Variants in RETREG1 observed in about 807,000 individuals in gnomAD.
The protein encoded by RETREG1 is family with sequence similarity 134 member B.
A neutral mutation model predicts 54.8 loss-of-function variants in RETREG1; 44 were observed. That is an observed-to-expected ratio of 0.80 (90% CI 0.63 to 1.03). The LOEUF (loss-of-function observed/expected upper bound fraction) is 1.03. RETREG1 is among the 50% of genes least tolerant of loss of function. The pLI is 0.00. For synonymous variants in RETREG1, 217 were observed against 238.5 expected (o/e 0.91, Z 0.83); for missense variants, 554 against 605.1 (o/e 0.92, Z 0.89).
chr5:16,533,621 C>A (rs1740976984), intron 3 of RETREG1, among the ~76,000 whole-genome samples: 1 of 152,114 alleles, frequency 6.6e-6, no homozygotes, highest in African/African-American at 2.4e-5. Flanking sequence ...CCCATGGGTT[C>A]TAGAGCTTGA....
In RETREG1 at chr5:16,593,280, G is replaced by C. The variant is rs1195053805; in HGVS notation, c.321-21178C>G. Among the ~76,000 whole-genome samples the C allele has an allele frequency of 6.6e-6, 1 of 152,022 alleles. No individual in the cohort carries two copies. The highest frequency in any genetic ancestry group is 2.4e-5 in the African/African-American group (1 of 41,388). On this transcript the variant is annotated intron_variant, in intron 1 of 8. Coordinates refer to ENST00000306320, the MANE Select transcript of RETREG1 (RefSeq NM_001034850.3). This position sits in a 1 kb window ranked among gnomAD's most constrained non-coding sequence, Gnocchi z 4.9. ...GCCTTCTGACTCCCACTTGTATGCT[G>C]GTTTGCTTGGCCATTTGTTTCCCAT...
chr5:16,572,071 G>A lies in RETREG1; in HGVS notation c.352C>T (p.His118Tyr), dbSNP rs1742187010. 1 of 1,613,680 alleles carries A rather than the reference G, an allele frequency of 6.2e-7. No homozygotes were observed. The highest frequency in any genetic ancestry group is 8.5e-7 in the Non-Finnish European group (1 of 1,179,678). Residue 118 changes from histidine to tyrosine, a missense_variant, in exon 2 of 9, where the codon CAC becomes TAC. Physicochemically the swap from His to Tyr is moderately conservative, Grantham distance 83. Around this residue, in one of 4 missense-constraint regions of RETREG1, gnomAD observed 347 missense variants for 412.3 expected, o/e 0.84. Coordinates refer to ENST00000306320, the MANE Select transcript of RETREG1 (RefSeq NM_001034850.3). ...CCAAGTATCATGACGGAAATCAGGT[G>A]ATATACTCTCCATGGAGTCAATGCA... Reference protein sequence around the residue: ...FLALTPWRVYHLISVMILGRV... With the variant: ...FLALTPWRVYYLISVMILGRV...
rs367718276 is a variant in RETREG1, at chr5:16,474,062, C to T, written c.*679G>A. 6.5e-6 allele frequency: 1 copy of T among 152,978 alleles called. No homozygotes were observed. The highest frequency in any genetic ancestry group is 1.9e-4 in the East Asian group (1 of 5,220). 9.5% of individuals were successfully genotyped at this position (152,978 alleles called of 1,614,324 possible). ...GCTTGCTTTCTATGGGTTAATACCA[C>T]CCACTGCAAGACTAGAGATGGCAGT... On this transcript the variant is annotated 3_prime_UTR_variant, in exon 9 of 9. Coordinates refer to ENST00000306320, the MANE Select transcript of RETREG1 (RefSeq NM_001034850.3).
intron 1 of RETREG1, among the ~76,000 whole-genome samples, chr5:16,580,659 T>C (rs1485879937): frequency 6.6e-6 from 1 of 152,140 alleles, no homozygotes; most frequent in African/African-American, 2.4e-5. Context: ...TCTGGAAAGC[T>C]GCAGAATAAT....
chr5:16,573,967 A>C (rs1742261708), intron 1 of RETREG1, among the ~76,000 whole-genome samples: 1 of 152,106 alleles, frequency 6.6e-6, no homozygotes, highest in African/African-American at 2.4e-5. Flanking sequence ...GGCTGGTCTC[A>C]AACTCCTGAC....
At chr5:16,579,300 G>A (rs1255992143) in intron 1 of RETREG1, among the ~76,000 whole-genome samples, 1 of 152,152 alleles carries the variant, frequency 6.6e-6, no homozygotes, top group Non-Finnish European at 1.5e-5. Flanking sequence ...TCAGAAACTT[G>A]CTCAAGGCCC....
At chr5:16,586,257 A>G (rs1057318158) in intron 1 of RETREG1, among the ~76,000 whole-genome samples, 2 of 152,196 alleles carry the variant, frequency 1.3e-5, no homozygotes, top group Non-Finnish European at 2.9e-5. Context: ...TGTGTCTTTT[A>G]TCTTTTATGC....
At position 16,503,438 on chromosome 5, in the gene RETREG1, G is replaced by C. The variant is rs531191692; in HGVS notation, c.459-19966C>G. On this transcript the variant is annotated intron_variant, in intron 3 of 8. Coordinates refer to ENST00000306320, the MANE Select transcript of RETREG1 (RefSeq NM_001034850.3). ...AATCCCAACACTTTGGGAGCCCGAG[G>C]CGGGTGGATCACGAGGTCAGGAGTT... is the stretch of plus-strand genomic sequence containing the variant. Among the ~76,000 whole-genome samples the C allele has an allele frequency of 4.1e-4, 62 of 152,160 alleles. 1 individual carries two copies. The South Asian group carries it at 5.0e-3, about 12-fold the overall frequency.
chr5:16,575,735 C>A (rs1198421468), intron 1 of RETREG1, among the ~76,000 whole-genome samples: 1 of 152,188 alleles, frequency 6.6e-6, no homozygotes, highest in African/African-American at 2.4e-5. Flanking sequence ...AGAAGACAAG[C>A]CCAGCAATTG....
At chr5:16,490,249 T>C (rs1293203508) in intron 3 of RETREG1, among the ~76,000 whole-genome samples, 1 of 152,202 alleles carries the variant, frequency 6.6e-6, no homozygotes, top group Non-Finnish European at 1.5e-5. Context: ...CCTTGTGCCT[T>C]AAGCTGGTTT....
intron 3 of RETREG1, among the ~76,000 whole-genome samples, chr5:16,550,194 A>G (rs1030424767): frequency 2.0e-5 from 3 of 152,000 alleles, no homozygotes; most frequent in African/African-American, 7.2e-5. Context: ...TACACCATGT[A>G]TCTTTTCCTC....
At chr5:16,516,946 T>G in intron 3 of RETREG1, among the ~76,000 whole-genome samples, 1 of 47,140 alleles carries the variant, frequency 2.1e-5, no homozygotes, top group Non-Finnish European at 5.7e-5. Context: ...AAGAAAAAAG[T>G]AAATGAAAAA....
chr5:16,550,862 G>T (rs1484022265), intron 3 of RETREG1, among the ~76,000 whole-genome samples: 1 of 152,184 alleles, frequency 6.6e-6, no homozygotes, highest in Non-Finnish European at 1.5e-5. Flanking sequence ...TTCATATGTT[G>T]CATGATTCCA....
At chr5:16,611,723 C>T (rs1382877291) in intron 1 of RETREG1, among the ~76,000 whole-genome samples, 1 of 152,182 alleles carries the variant, frequency 6.6e-6, no homozygotes, top group Non-Finnish European at 1.5e-5. Context: ...GTACACTACC[C>T]AGCAATACAA....
intron 3 of RETREG1, among the ~76,000 whole-genome samples, chr5:16,516,857 T>C (rs1451560879): frequency 1.3e-5 from 2 of 152,076 alleles, no homozygotes; most frequent in Non-Finnish European, 1.5e-5. Context: ...TCTCAGAACC[T>C]TGGGAGGCAG....
intron 3 of RETREG1, among the ~76,000 whole-genome samples, chr5:16,549,508 AC>A: frequency 6.6e-6 from 1 of 151,918 alleles, no homozygotes. Flanking sequence ...TCCTACTTTG[AC>A]CCCCTAGATC....
chr5:16,519,686 T>C (rs1740468850), intron 3 of RETREG1, among the ~76,000 whole-genome samples: 1 of 152,180 alleles, frequency 6.6e-6, no homozygotes, highest in Non-Finnish European at 1.5e-5. Flanking sequence ...TCCATTCTTG[T>C]TGTGGAAGTA....
chr5:16,604,585 T>G (rs555551761), intron 1 of RETREG1, among the ~76,000 whole-genome samples: 2 of 152,120 alleles, frequency 1.3e-5, no homozygotes, highest in Non-Finnish European at 2.9e-5. Flanking sequence ...GAGAGCTCCC[T>G]CTGTCATCTG....
chr5:16,482,977 C>A, intron 4 of RETREG1: 1 of 187,534 alleles, frequency 5.3e-6, no homozygotes, highest in Non-Finnish European at 1.1e-5. Flanking sequence ...AAAGCACAGT[C>A]AAAGAACTAT....
Sources: allele counts gnomAD v4.1 joint callset (sites outside exome capture counted in the v4.1 genomes callset), GRCh38; gene constraint gnomAD v4.1.1; regional missense constraint gnomAD v4.1.1; non-coding constraint Gnocchi (gnomAD v3.1); transcripts MANE v1.5; gene names NCBI Gene and HGNC (gene_info 2026-07-23, HGNC 2026-07-21).